TBC1D8: variants seen among roughly 807,000 people sequenced by gnomAD.
TBC1D8 encodes the protein BUB2-like protein 1.
In TBC1D8, 65 loss-of-function variants were observed where a neutral mutation model predicts 118.8. The ratio of observed to expected loss-of-function variants is 0.55; its 90% CI spans 0.45 to 0.67. TBC1D8 has a LOEUF of 0.67. TBC1D8 is among the 30% of genes least tolerant of loss of function. The pLI is 0.00. For missense variants in TBC1D8, 1,376 were observed against 1,471.2 expected, an observed-to-expected ratio of 0.94 and a Z score of 1.06; for synonymous variants, 566 against 595.8, an observed-to-expected ratio of 0.95 and a Z score of 0.73.
chr2:101,041,154 C>T (rs537019604), intron 5 of TBC1D8, among the ~76,000 whole-genome samples: 47 of 152,314 alleles, frequency 3.1e-4, no homozygotes, highest in African/African-American at 1.0e-3. Flanking sequence ...AGGCTAAAAA[C>T]AGACTTAACA....
chr2:101,032,207 T>C (rs1359473675), intron 11 of TBC1D8, 61 bp downstream of exon 11: 139 of 1,468,728 alleles, frequency 9.5e-5, no homozygotes, highest in Non-Finnish European at 1.3e-4. Context: ...ATGAGAAACA[T>C]CCTGCCCAGG....
rs141782694 is a variant in TBC1D8, at chr2:101,061,780, A to C, written c.284-2241T>G. Among the ~76,000 whole-genome samples the C allele has an allele frequency of 2.8e-3, 431 of 152,084 alleles. 2 individuals are homozygous for C. The highest frequency in any genetic ancestry group is 9.8e-3 in the African/African-American group (408 of 41,470). On this transcript the variant is annotated intron_variant, in intron 2 of 19. Transcript: ENST00000409318. Reference sequence around the variant, plus strand: ...AGGGGTCCCGGTCCTCTTGCTCTCCACTTCCTGCCATCTGGGAGGGCTCCT... The same window carrying C: ...AGGGGTCCCGGTCCTCTTGCTCTCCCCTTCCTGCCATCTGGGAGGGCTCCT...
At chr2:101,108,515 A>C in intron 1 of TBC1D8, among the ~76,000 whole-genome samples, 1 of 152,200 alleles carries the variant, frequency 6.6e-6, no homozygotes, top group East Asian at 1.9e-4. Context: ...ACTAGGATCG[A>C]GGTGGTGACA....
intron 1 of TBC1D8, among the ~76,000 whole-genome samples, chr2:101,101,810 C>A (rs1676855370): frequency 6.6e-6 from 1 of 152,134 alleles, no homozygotes; most frequent in Admixed American, 6.6e-5. Flanking sequence ...AAATCAAACA[C>A]CTCCTGTTCT....
intron 2 of TBC1D8, among the ~76,000 whole-genome samples, chr2:101,071,718 GA>G (rs940388898): frequency 4.6e-4 from 69 of 150,858 alleles, no homozygotes; most frequent in African/African-American, 1.5e-3. Context: ...AGTTTGCAGG[GA>G]AAAAAAAAGT....
chr2:101,008,033 G>A lies in TBC1D8; in HGVS notation c.3256C>T (p.Gln1086Ter). The A allele has an allele frequency of 1.2e-6, 2 of 1,613,938 alleles. No homozygotes were observed. The highest frequency in any genetic ancestry group is 1.7e-6 in the Non-Finnish European group (2 of 1,179,846). The change falls in exon 20 of 20, where the codon CAG becomes TAG. Residue 1086 changes from glutamine to a stop codon, truncating the protein, a stop_gained. Transcript: ENST00000409318. LOFTEE classifies it low-confidence loss of function (END_TRUNC). ...CTTTCTGCCGCCTCTGGAAATGCCT[G>A]GGAGTCCTGGGGCGTCTTCCCAGTG... ...ADTGKTPQDS[Q>*]AFPEAAERDW...
Position 101,059,407 on chromosome 2 carries a change from C to T in TBC1D8, c.402+14G>A. ...TGGAAAGATGGGGAGAAACATGAAA[C>T]TCAGGGGACCTACCTTTACCTTCCC... On this transcript the variant is annotated intron_variant, in intron 3 of 19. Coordinates refer to ENST00000409318, the MANE Select transcript of TBC1D8 (RefSeq NM_001330348.2). 1.3e-6 allele frequency: 2 copies of T among 1,587,956 alleles called. No homozygotes were observed. The highest frequency in any genetic ancestry group is 1.7e-6 in the Non-Finnish European group (2 of 1,156,568).
intron 1 of TBC1D8, among the ~76,000 whole-genome samples, chr2:101,138,278 A>G (rs1259313228): frequency 6.6e-6 from 1 of 152,168 alleles, no homozygotes; most frequent in Non-Finnish European, 1.5e-5. Context: ...TTCCATTTAA[A>G]TTAGTTAATT....
At chr2:101,134,170 TTCTCTCTCTCTCTC>T (rs34487679) in intron 1 of TBC1D8, among the ~76,000 whole-genome samples, 1 of 126,216 alleles carries the variant, frequency 7.9e-6, no homozygotes, top group Non-Finnish European at 1.7e-5. Flanking sequence ...TCTCTTCTCT[TTCTCTCTCTCTCTC>T]TCTCTCTCTC....
intron 1 of TBC1D8, among the ~76,000 whole-genome samples, chr2:101,123,346 G>C (rs1346636944): frequency 6.6e-6 from 1 of 152,106 alleles, no homozygotes; most frequent in East Asian, 1.9e-4. Context: ...TTGCCCGATT[G>C]CTCTGGCTAG....
intron 19 of TBC1D8, among the ~76,000 whole-genome samples, chr2:101,008,811 TA>T (rs34291098): frequency 0.012 from 1,674 of 145,406 alleles, 25 homozygotes; most frequent in African/African-American, 0.036. Flanking sequence ...AACTTTGTCT[TA>T]AAAAAAAAAA....
chr2:101,088,629 G>C (rs1675803691), intron 2 of TBC1D8, among the ~76,000 whole-genome samples: 1 of 152,022 alleles, frequency 6.6e-6, no homozygotes, highest in African/African-American at 2.4e-5. Flanking sequence ...ACTCAGGCTG[G>C]AGGGCAGTGG....
chr2:101,149,500 A>G (rs949301013), intron 1 of TBC1D8, among the ~76,000 whole-genome samples: 3 of 152,198 alleles, frequency 2.0e-5, no homozygotes, highest in African/African-American at 4.8e-5. Context: ...AGTATCCTAC[A>G]TATGTGCACG....
At chr2:101,119,305 G>A (rs1315956543) in intron 1 of TBC1D8, among the ~76,000 whole-genome samples, 1 of 152,000 alleles carries the variant, frequency 6.6e-6, no homozygotes, top group Non-Finnish European at 1.5e-5. Flanking sequence ...GCCAACAGGG[G>A]AACAGTATCA....
chr2:101,013,475 G>C (rs1301461531), intron 17 of TBC1D8, among the ~76,000 whole-genome samples: 1 of 152,172 alleles, frequency 6.6e-6, no homozygotes, highest in Non-Finnish European at 1.5e-5. Flanking sequence ...CTATTAAAGT[G>C]TTCATTGTGT....
chr2:101,117,722 C>G (rs1372711620), intron 1 of TBC1D8, among the ~76,000 whole-genome samples: 1 of 151,628 alleles, frequency 6.6e-6, no homozygotes, highest in African/African-American at 2.4e-5. Flanking sequence ...TACAGGCGCC[C>G]GCCACCATGC....
At chr2:101,110,977 T>C (rs1370517441) in intron 1 of TBC1D8, among the ~76,000 whole-genome samples, 4 of 75,038 alleles carry the variant, frequency 5.3e-5, no homozygotes, top group Non-Finnish European at 1.0e-4. Context: ...CAAAACTCCA[T>C]CGCAAAAAAA....
intron 1 of TBC1D8, among the ~76,000 whole-genome samples, chr2:101,142,830 A>G (rs1679164490): frequency 6.6e-6 from 1 of 152,162 alleles, no homozygotes; most frequent in African/African-American, 2.4e-5. Context: ...AGGGAGGGAA[A>G]TGTAATCAGG....
intron 2 of TBC1D8, among the ~76,000 whole-genome samples, chr2:101,081,864 TGTG>T (rs1675286893): frequency 6.6e-6 from 1 of 151,986 alleles, no homozygotes; most frequent in African/African-American, 2.4e-5. Flanking sequence ...TGTACCCAGG[TGTG>T]GTGGCTCATG....
Sources: gnomAD v4.1 joint callset for allele counts (sites outside exome capture counted in the v4.1 genomes callset) on GRCh38, gnomAD v4.1.1 for gene constraint, MANE v1.5 for transcripts, NCBI Gene and HGNC (gene_info 2026-07-23, HGNC 2026-07-21) for gene names.